IL1RAPL1: variants seen among roughly 807,000 people sequenced by gnomAD.
IL1RAPL1 encodes interleukin 1 receptor accessory protein like 1.
Under a neutral mutation model 48.4 loss-of-function variants are expected in IL1RAPL1, and 3 were observed. That is an observed-to-expected ratio of 0.06 (90% CI 0.03 to 0.16). The LOEUF (loss-of-function observed/expected upper bound fraction) is 0.16. Among genes scored for constraint, IL1RAPL1 ranks in the 10% least tolerant of loss-of-function variants. IL1RAPL1 has a pLI of 1.00. For missense variants in IL1RAPL1, 349 were observed against 530.6 expected (o/e 0.66, Z 3.36); for synonymous variants, 185 against 187.7 (o/e 0.99, Z 0.12).
At chrX:28,990,961 A>G (rs1206744185) in intron 2 of IL1RAPL1, among the ~76,000 whole-genome samples, 1 of 112,154 alleles carries the variant, frequency 8.9e-6, no homozygotes, top group Admixed American at 9.5e-5. Context: ...GGAAAAGTAG[A>G]TGACTAAACA....
At chrX:29,032,741 ATG>A (rs997719951) in intron 2 of IL1RAPL1, among the ~76,000 whole-genome samples, 15 of 73,750 alleles carry the variant, frequency 2.0e-4, no homozygotes, top group African/African-American at 8.2e-4. Flanking sequence ...TCACGTGGGC[ATG>A]CACACACACA....
At chrX:29,883,460 A>G (rs938037764) in intron 6 of IL1RAPL1, among the ~76,000 whole-genome samples, 1 of 109,670 alleles carries the variant, frequency 9.1e-6, no homozygotes, top group African/African-American at 3.5e-5. Context: ...CAGAGAGAGA[A>G]GTACATTAGA....
intron 5 of IL1RAPL1, among the ~76,000 whole-genome samples, chrX:29,565,951 G>T (rs1379400687): frequency 1.1e-4 from 12 of 110,462 alleles, no homozygotes; most frequent in Non-Finnish European, 2.1e-4. Flanking sequence ...ATTTTTTGTT[G>T]TTGTTTTTTT....
chrX:29,484,765 C>T (rs1261069083), intron 5 of IL1RAPL1, among the ~76,000 whole-genome samples: 1 of 111,786 alleles, frequency 8.9e-6, no homozygotes, highest in African/African-American at 3.3e-5. Context: ...CTTCCTTATG[C>T]TTCCTTTTTA....
At chrX:28,712,535 A>G (rs763829824) in intron 1 of IL1RAPL1, among the ~76,000 whole-genome samples, 99 of 111,861 alleles carry the variant, frequency 8.9e-4, no homozygotes, top group African/African-American at 3.0e-3. Flanking sequence ...GAAAGCAAGC[A>G]TAAGGAAATT....
intron 2 of IL1RAPL1, among the ~76,000 whole-genome samples, chrX:29,001,828 T>G (rs961325085): frequency 1.7e-4 from 19 of 110,524 alleles, no homozygotes; most frequent in African/African-American, 5.6e-4. Flanking sequence ...ATTACCAAAC[T>G]GAAGCAATTT....
intron 1 of IL1RAPL1, among the ~76,000 whole-genome samples, chrX:28,709,108 G>A (rs1935410457): frequency 8.9e-6 from 1 of 112,176 alleles, no homozygotes; most frequent in Non-Finnish European, 1.9e-5. Flanking sequence ...AGTAAACAGT[G>A]TTAGCTGTTG....
chrX:29,508,083 A>G (rs956757479), intron 5 of IL1RAPL1, among the ~76,000 whole-genome samples: 1 of 111,538 alleles, frequency 9.0e-6, no homozygotes. Context: ...TGTGAAATCA[A>G]TCTCCTCCTT....
At chrX:28,653,774 G>T (rs1006148762) in intron 1 of IL1RAPL1, among the ~76,000 whole-genome samples, 8 of 111,390 alleles carry the variant, frequency 7.2e-5, no homozygotes, top group African/African-American at 2.6e-4. Flanking sequence ...TTAGTGTCAT[G>T]AGGGCTCTCA....
chrX:28,845,788 G>A (rs1265755408), intron 2 of IL1RAPL1, among the ~76,000 whole-genome samples: 1 of 111,708 alleles, frequency 9.0e-6, no homozygotes, highest in Middle Eastern at 4.2e-3. Context: ...TATTTTTAGA[G>A]CAGTTTCAGG....
intron 1 of IL1RAPL1, among the ~76,000 whole-genome samples, chrX:28,741,558 C>T (rs1460597801): frequency 8.9e-6 from 1 of 111,796 alleles, no homozygotes; most frequent in Non-Finnish European, 1.9e-5. Flanking sequence ...CCTTGAAGTA[C>T]GTGCAAATAT....
chrX:29,614,403 T>G (rs887053832), intron 5 of IL1RAPL1, among the ~76,000 whole-genome samples: 1 of 112,421 alleles, frequency 8.9e-6, no homozygotes, highest in Admixed American at 9.4e-5. Flanking sequence ...TAGTTTCTAT[T>G]AAAAGTTATT....
chrX:28,986,924 C>CAT (rs1269288888), intron 2 of IL1RAPL1, among the ~76,000 whole-genome samples: 2 of 111,680 alleles, frequency 1.8e-5, no homozygotes, highest in African/African-American at 6.5e-5. Context: ...TTTGCATGGT[C>CAT]ATATATATAT....
At chrX:29,138,975 A>G (rs149061206) in intron 2 of IL1RAPL1, among the ~76,000 whole-genome samples, 214 of 111,603 alleles carry the variant, frequency 1.9e-3, no homozygotes, top group African/African-American at 6.6e-3. Context: ...ATATGAAAGT[A>G]ATGAGAATCA....
At chrX:29,539,602 G>C (rs755432960) in intron 5 of IL1RAPL1, among the ~76,000 whole-genome samples, 1 of 110,918 alleles carries the variant, frequency 9.0e-6, no homozygotes, top group East Asian at 2.8e-4. Flanking sequence ...TCTCATGAAT[G>C]GTTTAGCACC....
chrX:29,686,802 T>C (rs1926638078), intron 6 of IL1RAPL1, among the ~76,000 whole-genome samples: 1 of 109,733 alleles, frequency 9.1e-6, no homozygotes, highest in Admixed American at 9.8e-5. Context: ...TCGTGATCCG[T>C]CCACCTCGGC....
intron 2 of IL1RAPL1, among the ~76,000 whole-genome samples, chrX:29,015,116 TTG>T (rs1234642902): frequency 9.0e-6 from 1 of 111,175 alleles, no homozygotes; most frequent in African/African-American, 3.3e-5. Flanking sequence ...TCACAATGAT[TTG>T]TGAGTTCTGA....
At chrX:29,099,792 T>G (rs1206623211) in intron 2 of IL1RAPL1, among the ~76,000 whole-genome samples, 4 of 112,221 alleles carry the variant, frequency 3.6e-5, no homozygotes, top group Non-Finnish European at 7.5e-5. Context: ...ATTTTAGTCT[T>G]TTTATGTTAG....
intron 5 of IL1RAPL1, among the ~76,000 whole-genome samples, chrX:29,632,229 A>G (rs145538499): frequency 0.037 from 4,074 of 108,959 alleles, 197 homozygotes; most frequent in African/African-American, 0.13. Flanking sequence ...GCTCACTGCA[A>G]GCTGCGCCTC....
Sources: gnomAD v4.1 joint callset for allele counts (sites outside exome capture counted in the v4.1 genomes callset) on GRCh38, gnomAD v4.1.1 for gene constraint, MANE v1.5 for transcripts, NCBI Gene and HGNC (gene_info 2026-07-23, HGNC 2026-07-21) for gene names.